Variants in PTPRN2 observed in about 807,000 individuals in gnomAD.
The protein encoded by PTPRN2 is protein tyrosine phosphatase receptor type N2, also known as receptor-type tyrosine-protein phosphatase N2.
A neutral mutation model predicts 118.8 loss-of-function variants in PTPRN2; 74 were observed. The observed-to-expected ratio is 0.62, with a 90% CI of 0.52 to 0.76. The LOEUF (loss-of-function observed/expected upper bound fraction) is 0.76. PTPRN2 is among the 30% of genes least tolerant of loss of function. The pLI is 0.00. For synonymous variants in PTPRN2, 641 were observed against 608.0 expected (o/e 1.05, Z -0.80); for missense variants, 1,481 against 1,394.4 (o/e 1.06, Z -0.99).
intron 16 of PTPRN2, among the ~76,000 whole-genome samples, chr7:157,600,145 A>C (rs868183605): frequency 1.2e-3 from 44 of 37,580 alleles, no homozygotes; most frequent in East Asian, 2.6e-3. Flanking sequence ...ACCTGCCCAC[A>C]TCTCCACCTG....
chr7:158,016,208 G>A (rs117670848), intron 11 of PTPRN2, among the ~76,000 whole-genome samples: 1 of 152,220 alleles, frequency 6.6e-6, no homozygotes, highest in Non-Finnish European at 1.5e-5. Context: ...AGGTGGGGAG[G>A]ATGGGCAGGG....
chr7:157,931,807 G>A (rs904598259), intron 11 of PTPRN2, among the ~76,000 whole-genome samples: 1 of 152,108 alleles, frequency 6.6e-6, no homozygotes, highest in African/African-American at 2.4e-5. Context: ...TGCAGGGCGG[G>A]GCAACATGGC....
intron 12 of PTPRN2, among the ~76,000 whole-genome samples, chr7:157,821,199 A>C (rs1017313382): frequency 1.3e-5 from 2 of 152,260 alleles, no homozygotes; most frequent in African/African-American, 4.8e-5. Context: ...ACCTGTGAAC[A>C]GTGCTGTCCT....
At chr7:157,701,317 T>C (rs887483462) in intron 12 of PTPRN2, among the ~76,000 whole-genome samples, 25 of 152,204 alleles carry the variant, frequency 1.6e-4, no homozygotes, top group African/African-American at 5.3e-4. Context: ...CACTCCTCTC[T>C]GCAGTCTGAG....
chr7:157,777,264 T>C (rs766889529), intron 12 of PTPRN2, among the ~76,000 whole-genome samples: 1 of 152,244 alleles, frequency 6.6e-6, no homozygotes, highest in Non-Finnish European at 1.5e-5. Flanking sequence ...CAAGTGGAAT[T>C]GGAAACACGC....
rs907262556 is a variant in PTPRN2 at position 157,773,600 on chromosome 7, G to A, written c.1789-90663C>T. Among the ~76,000 whole-genome samples, 13 of 152,226 alleles carry A rather than the reference G, an allele frequency of 8.5e-5. 1 individual carries two copies. The highest frequency in any genetic ancestry group is 1.2e-4 in the African/African-American group (5 of 41,466). On this transcript the variant is annotated intron_variant, in intron 12 of 22. Transcript: ENST00000389418. ...GATGTAGTGGGCTGTGGGGCCAGGC[G>A]GCTTGCTGTACCTCCCACCCAAGCC... is the stretch of plus-strand genomic sequence containing the variant.
At chr7:158,346,005 G>A (rs967948214) in intron 2 of PTPRN2, among the ~76,000 whole-genome samples, 3 of 152,090 alleles carry the variant, frequency 2.0e-5, no homozygotes, top group Non-Finnish European at 4.4e-5. Flanking sequence ...CCAACGCTGG[G>A]GATTACAACT....
chr7:157,914,243 C>T (rs1320474190), intron 11 of PTPRN2, among the ~76,000 whole-genome samples: 1 of 152,138 alleles, frequency 6.6e-6, no homozygotes, highest in East Asian at 1.9e-4. Context: ...TTTAAACAAA[C>T]AGAGAGATTC....
At chr7:158,503,923 C>T (rs1334122638) in intron 1 of PTPRN2, among the ~76,000 whole-genome samples, 2 of 151,938 alleles carry the variant, frequency 1.3e-5, no homozygotes, top group African/African-American at 4.8e-5. Context: ...ATCGCTTGAA[C>T]CCGGGAGTCG....
At chr7:158,519,730 T>A (rs1823843904) in intron 1 of PTPRN2, among the ~76,000 whole-genome samples, 1 of 152,062 alleles carries the variant, frequency 6.6e-6, no homozygotes, top group Admixed American at 6.6e-5. Flanking sequence ...TCCCATCATA[T>A]AAGGACTTTC....
rs975415612 is a variant in PTPRN2, at chr7:157,794,229, G to A, written c.1788+104444C>T. Among the ~76,000 whole-genome samples, 3 of 147,076 alleles carry A rather than the reference G, an allele frequency of 2.0e-5. No homozygotes were observed. The highest frequency in any genetic ancestry group is 4.5e-5 in the Non-Finnish European group (3 of 66,898). ...CCGACCCGGGCTCACACCTCCCCTC[G>A]TTCTCTGCTCCGACCCGGGCTCACA... is the stretch of plus-strand genomic sequence containing the variant. On this transcript the variant is annotated intron_variant, in intron 12 of 22. Coordinates refer to ENST00000389418, the MANE Select transcript of PTPRN2 (RefSeq NM_002847.5). The surrounding 1 kb of genome is among the most constrained non-coding windows in gnomAD (Gnocchi z 5.2).
At chr7:158,136,178 G>A (rs756476925) in intron 8 of PTPRN2, among the ~76,000 whole-genome samples, 1 of 152,182 alleles carries the variant, frequency 6.6e-6, no homozygotes, top group Non-Finnish European at 1.5e-5. Context: ...AACCCAGTGC[G>A]GCCAAGGCAC....
chr7:158,151,514 T>TGCCTGCCCA (rs1563522262), intron 6 of PTPRN2, among the ~76,000 whole-genome samples: 22 of 146,198 alleles, frequency 1.5e-4, no homozygotes, highest in Non-Finnish European at 2.7e-4. Context: ...TTTCTGCTCC[T>TGCCTGCCCA]CACCGCACGT....
chr7:157,655,556 G>T (rs906059109), intron 14 of PTPRN2, among the ~76,000 whole-genome samples: 3 of 152,252 alleles, frequency 2.0e-5, no homozygotes, highest in African/African-American at 7.2e-5. Flanking sequence ...GTACGGCGAA[G>T]AATGTTTCCC....
intron 11 of PTPRN2, among the ~76,000 whole-genome samples, chr7:157,947,850 A>G (rs1800581423): frequency 1.3e-5 from 2 of 152,256 alleles, no homozygotes; most frequent in Non-Finnish European, 2.9e-5. Context: ...CAATAAGATC[A>G]ACAGCAGTTT....
At chr7:158,129,486 GCA>G (rs950293989) in intron 9 of PTPRN2, among the ~76,000 whole-genome samples, 1 of 107,686 alleles carries the variant, frequency 9.3e-6, no homozygotes, top group Admixed American at 9.3e-5. Context: ...ACAACACACA[GCA>G]CACACACACA....
chr7:157,608,450 G>A (rs1399428468), intron 15 of PTPRN2, among the ~76,000 whole-genome samples: 2 of 152,312 alleles, frequency 1.3e-5, no homozygotes, highest in Non-Finnish European at 2.9e-5. Context: ...GCCAAGGGAC[G>A]CTGCAGGCTG....
chr7:158,171,857 G>C (rs904780647), intron 5 of PTPRN2, among the ~76,000 whole-genome samples: 1 of 152,186 alleles, frequency 6.6e-6, no homozygotes, highest in African/African-American at 2.4e-5. Context: ...TAATTTTTAA[G>C]ACCGTAGCTG....
intron 11 of PTPRN2, among the ~76,000 whole-genome samples, chr7:158,064,564 G>A (rs1193527387): frequency 6.6e-6 from 1 of 151,604 alleles, no homozygotes; most frequent in African/African-American, 2.4e-5. Flanking sequence ...GAATCTGGCT[G>A]CTAAAAAGAG....
Sources: allele counts gnomAD v4.1 joint callset (sites outside exome capture counted in the v4.1 genomes callset), GRCh38; gene constraint gnomAD v4.1.1; non-coding constraint Gnocchi (gnomAD v3.1); transcripts MANE v1.5; gene names NCBI Gene and HGNC (gene_info 2026-07-23, HGNC 2026-07-21).